Variants in CPQ observed in about 807,000 individuals in gnomAD.
CPQ encodes Ser-Met dipeptidase.
In CPQ, 37 loss-of-function variants were observed where a neutral mutation model predicts 45.7. That is an observed-to-expected ratio of 0.81 (90% CI 0.62 to 1.07). The LOEUF (loss-of-function observed/expected upper bound fraction) is 1.07. Ranked by LOEUF, CPQ falls within the 50% of genes least tolerant of loss-of-function variation. CPQ has a pLI of 0.00. For missense variants in CPQ, 537 were observed against 572.9 expected (o/e 0.94, Z 0.64); for synonymous variants, 186 against 205.8 (o/e 0.90, Z 0.82).
At chr8:96,988,581 G>A (rs1032358660) in intron 5 of CPQ, among the ~76,000 whole-genome samples, 6 of 152,048 alleles carry the variant, frequency 3.9e-5, no homozygotes, top group Non-Finnish European at 7.3e-5. Context: ...TGTTGACCTC[G>A]CAAACTTAGA....
intron 1 of CPQ, among the ~76,000 whole-genome samples, chr8:96,685,893 G>A (rs1809221192): frequency 6.6e-6 from 1 of 151,936 alleles, no homozygotes; most frequent in South Asian, 2.1e-4. Flanking sequence ...ATTCTTGTGG[G>A]TCCATCAGTA....
At chr8:96,794,810 TG>T (rs1244010872) in intron 2 of CPQ, among the ~76,000 whole-genome samples, 1 of 152,002 alleles carries the variant, frequency 6.6e-6, no homozygotes, top group Non-Finnish European at 1.5e-5. Flanking sequence ...ATTGCTAGGG[TG>T]GGGGTAAAAT....
rs140790452 is a variant in CPQ, at chr8:97,140,928, G to A, written c.1256-2092G>A. ...AAGGAAACTTAATATGGCACAATCC[G>A]TACCGCAGATCAGTGGAGAAAGAGG... On this transcript the variant is annotated intron_variant, in intron 7 of 7. Transcript: ENST00000220763. 8.9e-4 allele frequency among the ~76,000 whole-genome samples: 135 copies of A among 152,060 alleles called. 1 individual carries two copies. The highest frequency in any genetic ancestry group is 2.7e-3 in the East Asian group (14 of 5,186).
At chr8:96,659,506 G>T (rs1194544274) in intron 1 of CPQ, among the ~76,000 whole-genome samples, 1 of 152,172 alleles carries the variant, frequency 6.6e-6, no homozygotes, top group African/African-American at 2.4e-5. Context: ...TGTTGGTACT[G>T]AAATTGGAAG....
At chr8:96,985,425 C>T (rs1315927276) in intron 5 of CPQ, among the ~76,000 whole-genome samples, 1 of 152,156 alleles carries the variant, frequency 6.6e-6, no homozygotes, top group African/African-American at 2.4e-5. Flanking sequence ...ATCTCTTCAA[C>T]TTGCTTTACA....
At chr8:96,707,691 GA>G (rs1809551747) in intron 1 of CPQ, among the ~76,000 whole-genome samples, 1 of 143,928 alleles carries the variant, frequency 6.9e-6, no homozygotes, top group Non-Finnish European at 1.5e-5. Context: ...ATGAATGAAT[GA>G]TTTTTTTTTT....
intron 1 of CPQ, among the ~76,000 whole-genome samples, chr8:96,756,005 A>T (rs984617668): frequency 2.6e-5 from 4 of 152,034 alleles, no homozygotes; most frequent in African/African-American, 9.6e-5. Context: ...CATTTCAGTC[A>T]TAATTACTTT....
At chr8:96,900,889 C>G (rs540556750) in intron 4 of CPQ, among the ~76,000 whole-genome samples, 1 of 152,242 alleles carries the variant, frequency 6.6e-6, no homozygotes, top group South Asian at 2.1e-4. Flanking sequence ...CTGTTTTACC[C>G]ATGAAGGACA....
intron 4 of CPQ, among the ~76,000 whole-genome samples, chr8:96,951,155 TA>T (rs946461359): frequency 1.3e-5 from 2 of 151,982 alleles, no homozygotes; most frequent in Admixed American, 6.6e-5. Context: ...TGTAATGGCA[TA>T]AAAAAAACCC....
intron 1 of CPQ, among the ~76,000 whole-genome samples, chr8:96,715,365 C>T (rs1487430390): frequency 6.6e-6 from 1 of 152,206 alleles, no homozygotes; most frequent in Non-Finnish European, 1.5e-5. Flanking sequence ...CTATTCACAT[C>T]AGACAGGTGC....
intron 2 of CPQ, among the ~76,000 whole-genome samples, chr8:96,789,473 G>A (rs1020038240): frequency 5.3e-5 from 8 of 152,098 alleles, no homozygotes; most frequent in South Asian, 2.1e-4. Context: ...TGAGTCACCC[G>A]TAGGTCTGCA....
intron 2 of CPQ, among the ~76,000 whole-genome samples, chr8:96,826,899 A>G (rs187271584): frequency 1.3e-5 from 2 of 152,072 alleles, no homozygotes; most frequent in East Asian, 1.9e-4. Flanking sequence ...CTGTTTCTGC[A>G]TTAGTTTGCT....
At position 96,754,998 on chromosome 8, in the gene CPQ, T is replaced by C. The variant is rs372869177; in HGVS notation, c.-34-29866T>C. Among the ~76,000 whole-genome samples the C allele has an allele frequency of 2.0e-5, 3 of 152,010 alleles. No individual in the cohort carries two copies. The South Asian group carries it at 6.2e-4, about 31-fold the overall frequency. ...ATTTATTTGATTGTTTAAAAATTCA[T>C]CACTGTTCACCCTAGATTTATATTT... On this transcript the variant is annotated intron_variant, in intron 1 of 7. Coordinates refer to ENST00000220763, the MANE Select transcript of CPQ (RefSeq NM_016134.4).
intron 1 of CPQ, among the ~76,000 whole-genome samples, chr8:96,737,327 TAC>T (rs1191687148): frequency 8.1e-6 from 1 of 123,250 alleles, no homozygotes. Flanking sequence ...TATATATATA[TAC>T]ACACACTCAC....
Position 96,879,681 on chromosome 8 carries a change from G to T in CPQ, c.642-117G>T, listed in dbSNP as rs1296940147. The T allele has an allele frequency of 1.0e-5, 7 of 685,140 alleles. No homozygotes were observed. In the Admixed American group the frequency reaches 1.6e-4, roughly 16 times the overall value. The allele number at this position is 685,140 out of a possible 1,614,324, so 42.4% of individuals were successfully genotyped here. A position where few individuals can be genotyped will look rare whatever the true frequency, so the allele number is the denominator to read the frequency against. On this transcript the variant is annotated intron_variant, in intron 3 of 7. Transcript: ENST00000220763. ...TAAATCAATACTTCCCACATTTCCT[G>T]TTTCCCAGATGCAAACAAAGATAAG...
intron 7 of CPQ, among the ~76,000 whole-genome samples, chr8:97,120,243 C>T (rs963551864): frequency 1.3e-5 from 2 of 152,148 alleles, no homozygotes; most frequent in East Asian, 3.9e-4. Flanking sequence ...CTGAAAGTTA[C>T]CTCGGCCCAG....
At chr8:96,661,182 A>G (rs1206036733) in intron 1 of CPQ, among the ~76,000 whole-genome samples, 2 of 152,256 alleles carry the variant, frequency 1.3e-5, no homozygotes, top group African/African-American at 4.8e-5. Context: ...ATGTAAAACA[A>G]GTGGCAGACT....
At chr8:96,919,392 A>T (rs1812778372) in intron 4 of CPQ, among the ~76,000 whole-genome samples, 1 of 152,134 alleles carries the variant, frequency 6.6e-6, no homozygotes, top group East Asian at 1.9e-4. Flanking sequence ...GGCAGGAATC[A>T]TATCTAACTA....
chr8:96,943,461 C>T (rs559826155), intron 4 of CPQ, among the ~76,000 whole-genome samples: 21 of 152,188 alleles, frequency 1.4e-4, no homozygotes, highest in African/African-American at 4.6e-4. Context: ...TTGTTCTGCA[C>T]GATTTCTATA....
Sources: allele counts gnomAD v4.1 joint callset (sites outside exome capture counted in the v4.1 genomes callset), GRCh38; gene constraint gnomAD v4.1.1; transcripts MANE v1.5; gene names NCBI Gene and HGNC (gene_info 2026-07-23, HGNC 2026-07-21).